Variants in KSR2 observed in about 807,000 individuals in gnomAD.
KSR2 encodes kinase suppressor of ras 2.
Under a neutral mutation model 107.8 loss-of-function variants are expected in KSR2, and 25 were observed. The ratio of observed to expected loss-of-function variants is 0.23; its 90% confidence interval spans 0.17 to 0.32. KSR2 has a LOEUF of 0.32. Among genes scored for constraint, KSR2 ranks in the 10% least tolerant of loss-of-function variants. KSR2 has a pLI of 1.00. For missense variants in KSR2, 887 were observed against 1,268.9 expected, an observed-to-expected ratio of 0.70 and a Z score of 4.57; for synonymous variants, 480 against 507.0, an observed-to-expected ratio of 0.95 and a Z score of 0.71.
intron 3 of KSR2, among the ~76,000 whole-genome samples, chr12:117,827,337 C>T (rs1891798155): frequency 6.6e-6 from 1 of 152,164 alleles, no homozygotes; most frequent in Non-Finnish European, 1.5e-5. Flanking sequence ...GCTGAGCCTC[C>T]ACCTGGTAAA....
At chr12:117,912,087 A>T (rs1266466112) in intron 1 of KSR2, among the ~76,000 whole-genome samples, 1 of 152,206 alleles carries the variant, frequency 6.6e-6, no homozygotes, top group Admixed American at 6.5e-5. Flanking sequence ...GTTTATTTCC[A>T]ATATATCAGG....
intron 3 of KSR2, among the ~76,000 whole-genome samples, chr12:117,777,088 T>TATATATATATA (rs1889713061): frequency 1.5e-5 from 2 of 132,568 alleles, no homozygotes; most frequent in African/African-American, 6.2e-5. Context: ...TATATATATT[T>TATATATATATA]TATATATATA....
At chr12:117,551,691 G>A (rs1201385552) in intron 9 of KSR2, among the ~76,000 whole-genome samples, 2 of 152,220 alleles carry the variant, frequency 1.3e-5, no homozygotes, top group Admixed American at 6.5e-5. Context: ...GCTCAGAAAT[G>A]TATTGCACTA....
At chr12:117,699,075 T>C (rs984260287) in intron 4 of KSR2, among the ~76,000 whole-genome samples, 5 of 152,336 alleles carry the variant, frequency 3.3e-5, no homozygotes, top group East Asian at 1.9e-4. Context: ...TGTTCGGCAA[T>C]AATCTTCATC....
chr12:117,968,369 T>C lies in KSR2; in HGVS notation c.-114A>G. 2 of 1,388,046 alleles carry C rather than the reference T, an allele frequency of 1.4e-6. No individual in the cohort carries two copies. The highest frequency in any genetic ancestry group is 1.9e-6 in the Non-Finnish European group (2 of 1,078,336). The allele number at this position is 1,388,046 out of a possible 1,614,324, so 86.0% of individuals were successfully genotyped here. On this transcript the variant is annotated 5_prime_UTR_variant, in exon 1 of 20. Transcript: ENST00000339824. ...CAACCACTGCGACTTCTCAACAATGTCTCATGAAGAAGAAATCCAACATCT... is the reference window on the plus strand; with the variant it reads ...CAACCACTGCGACTTCTCAACAATGCCTCATGAAGAAGAAATCCAACATCT...
intron 19 of KSR2, among the ~76,000 whole-genome samples, chr12:117,467,478 G>A (rs554665412): frequency 5.9e-5 from 9 of 152,356 alleles, no homozygotes; most frequent in East Asian, 3.9e-4. Flanking sequence ...GAACTTCTAC[G>A]ACAGAATCAT....
chr12:117,695,923 C>T (rs1052360218), intron 4 of KSR2, among the ~76,000 whole-genome samples: 5 of 152,114 alleles, frequency 3.3e-5, no homozygotes, highest in African/African-American at 4.8e-5. Context: ...GACTGCCATC[C>T]GTTGGCAAAT....
intron 1 of KSR2, among the ~76,000 whole-genome samples, chr12:117,947,237 GAAAGAAAGAAAGAAAGAAAGAAGATAA>G (rs1453161260): frequency 9.2e-5 from 11 of 119,876 alleles, no homozygotes; most frequent in African/African-American, 3.2e-4. Flanking sequence ...AAGAAAGAAA[GAAAGAAAGAAAGAAAGAAAGAAGATAA>G]ACCACATGAC....
At chr12:117,678,219 G>A (rs1217444374) in intron 4 of KSR2, among the ~76,000 whole-genome samples, 2 of 151,356 alleles carry the variant, frequency 1.3e-5, no homozygotes, top group Non-Finnish European at 1.5e-5. Context: ...CCAAAGTGCT[G>A]GAATTAAGGC....
chr12:117,548,489 T>C (rs887203042), intron 9 of KSR2, among the ~76,000 whole-genome samples: 4 of 152,230 alleles, frequency 2.6e-5, no homozygotes, highest in African/African-American at 7.2e-5. Context: ...TGTAAGAATA[T>C]GGCATATAAG....
Position 117,603,037 on chromosome 12 carries a change from T to C in KSR2, c.1172-20678A>G, listed in dbSNP as rs1460247575. 2.0e-5 allele frequency among the ~76,000 whole-genome samples: 3 copies of C among 152,222 alleles called. No homozygotes were observed. In the East Asian group the frequency reaches 5.8e-4, roughly 29 times the overall value. ...GAACTTTGCTTCCTTGGCCATTATG[T>C]GGCCTCTTTTCCATCCATCTCAATC... On this transcript the variant is annotated intron_variant, in intron 5 of 19. Coordinates refer to ENST00000339824, the MANE Select transcript of KSR2 (RefSeq NM_173598.6).
At chr12:117,697,190 A>G (rs1029267934) in intron 4 of KSR2, among the ~76,000 whole-genome samples, 30 of 152,302 alleles carry the variant, frequency 2.0e-4, no homozygotes, top group African/African-American at 7.0e-4. Context: ...AAACTTAATA[A>G]TATGAGCTCT....
chr12:117,902,779 C>T (rs1894727760), intron 1 of KSR2, among the ~76,000 whole-genome samples: 1 of 152,150 alleles, frequency 6.6e-6, no homozygotes, highest in African/African-American at 2.4e-5. Context: ...CCAGTAAAAA[C>T]ATTTCTTTCT....
In KSR2 at chr12:117,760,992, AC is replaced by A; in HGVS notation, c.986+18del. The A allele has an allele frequency of 6.2e-7, 1 of 1,612,436 alleles. No homozygotes were observed. The highest frequency in any genetic ancestry group is 1.1e-5 in the South Asian group (1 of 91,024). ...GGCCGGGTTTCGACCGCCCCAGGGC[AC>A]CCACCGATCGCACTCACTTGGGCGT... On this transcript the variant is annotated intron_variant, in intron 4 of 19. Coordinates refer to ENST00000339824, the MANE Select transcript of KSR2 (RefSeq NM_173598.6).
chr12:117,888,746 C>T (rs1188296336), intron 1 of KSR2, among the ~76,000 whole-genome samples: 9 of 152,132 alleles, frequency 5.9e-5, no homozygotes, highest in Admixed American at 5.9e-4. Context: ...AGTAAATTTC[C>T]ATTTTTTTCT....
chr12:117,929,452 C>T (rs1895635744), intron 1 of KSR2, among the ~76,000 whole-genome samples: 1 of 152,172 alleles, frequency 6.6e-6, no homozygotes, highest in Admixed American at 6.5e-5. Flanking sequence ...TCACCTTCTG[C>T]CATGATTGTG....
intron 3 of KSR2, among the ~76,000 whole-genome samples, chr12:117,794,199 G>A (rs111173977): frequency 3.2e-4 from 20 of 62,766 alleles, no homozygotes; most frequent in Admixed American, 8.5e-4. Context: ...CACACACCAT[G>A]CACACATACA....
chr12:117,596,342 C>T (rs544144885), intron 5 of KSR2, among the ~76,000 whole-genome samples: 50 of 152,236 alleles, frequency 3.3e-4, no homozygotes, highest in African/African-American at 1.2e-3. Context: ...CACCTCTCCC[C>T]GGGTCCCTCC....
At chr12:117,655,653 G>C (rs1052538629) in intron 5 of KSR2, among the ~76,000 whole-genome samples, 15 of 152,166 alleles carry the variant, frequency 9.9e-5, no homozygotes, top group Admixed American at 8.5e-4. Flanking sequence ...GTTCCAGAGG[G>C]AGGAACGCTG....
Sources: allele counts gnomAD v4.1 joint callset (sites outside exome capture counted in the v4.1 genomes callset), GRCh38; gene constraint gnomAD v4.1.1; transcripts MANE v1.5; gene names NCBI Gene and HGNC (gene_info 2026-07-23, HGNC 2026-07-21).